Variants in HAT1 observed in about 807,000 individuals in gnomAD.
HAT1 encodes histone acetyltransferase 1.
Under a neutral mutation model 56.6 loss-of-function variants are expected in HAT1, and 20 were observed. That is an observed-to-expected ratio of 0.35 (90% CI 0.25 to 0.51). The LOEUF is 0.51. Among genes scored for constraint, HAT1 ranks in the 20% least tolerant of loss-of-function variants. The pLI is 0.95. For missense variants in HAT1, 408 were observed against 504.3 expected, an observed-to-expected ratio of 0.81 and a Z score of 1.83; for synonymous variants, 146 against 165.5, an observed-to-expected ratio of 0.88 and a Z score of 0.91.
At chr2:171,953,749 C>CT (rs1308556227) in intron 4 of HAT1, among the ~76,000 whole-genome samples, 1 of 150,802 alleles carries the variant, frequency 6.6e-6, no homozygotes, top group African/African-American at 2.4e-5. Flanking sequence ...AATCCCAGCA[C>CT]TTTGGGAGGC....
intron 4 of HAT1, among the ~76,000 whole-genome samples, chr2:171,962,049 TTAAGA>T (rs925999689): frequency 6.6e-5 from 10 of 152,244 alleles, no homozygotes; most frequent in Middle Eastern, 3.4e-3. Flanking sequence ...ATGGTGCTGC[TTAAGA>T]TAAGATGTTA....
intron 3 of HAT1, 92 bp downstream of exon 3, chr2:171,946,875 C>A (rs1365221259): frequency 1.6e-6 from 1 of 645,020 alleles, no homozygotes; most frequent in South Asian, 2.0e-5. Context: ...ATTTTATTTT[C>A]TTCTTATTTT....
intron 2 of HAT1, among the ~76,000 whole-genome samples, chr2:171,932,281 G>A (rs1472339628): frequency 6.6e-6 from 1 of 151,984 alleles, no homozygotes; most frequent in Non-Finnish European, 1.5e-5. Context: ...AAGGTTTCCT[G>A]GCCTCATAAA....
chr2:171,956,893 GA>G (rs1318599429), intron 4 of HAT1, among the ~76,000 whole-genome samples: 2 of 152,176 alleles, frequency 1.3e-5, no homozygotes, highest in Non-Finnish European at 2.9e-5. Context: ...CAGGAAGGTG[GA>G]AAGTGTGTTC....
intron 8 of HAT1, among the ~76,000 whole-genome samples, chr2:171,970,426 C>A (rs900526225): frequency 6.7e-6 from 1 of 148,892 alleles, no homozygotes. Flanking sequence ...GATTCACACA[C>A]ACATACACAC....
rs538465249 is a variant in HAT1, at chr2:171,977,467, A to G, written c.975+1159A>G. Among the ~76,000 whole-genome samples the G allele has an allele frequency of 6.4e-3, 929 of 145,708 alleles. 19 individuals carry two copies. The highest frequency in any genetic ancestry group is 0.021 in the African/African-American group (866 of 40,420). On this transcript the variant is annotated intron_variant, in intron 9 of 10. Transcript: ENST00000264108. ...ACAGAGAGAGACTTCATCTTAAAAA[A>G]AAAAAAAAGAAAAGAAATTTGTTTA...
intron 10 of HAT1, among the ~76,000 whole-genome samples, chr2:171,981,140 A>G (rs1688123336): frequency 6.6e-6 from 1 of 152,016 alleles, no homozygotes; most frequent in Non-Finnish European, 1.5e-5. Flanking sequence ...ATTGTACTCC[A>G]GCCTGGGTGA....
intron 4 of HAT1, chr2:171,965,079 T>C (rs1687652103): frequency 8.1e-6 from 3 of 371,710 alleles, no homozygotes; most frequent in Non-Finnish European, 1.5e-5. Flanking sequence ...GAAATGTCCA[T>C]AGCATTGCCC....
chr2:171,977,298 C>T (rs1687991269), intron 9 of HAT1, among the ~76,000 whole-genome samples: 2 of 150,084 alleles, frequency 1.3e-5, no homozygotes, highest in Non-Finnish European at 3.0e-5. Context: ...CATGTCTCTA[C>T]TACAAATACG....
At chr2:171,970,128 C>G (rs1171377573) in intron 8 of HAT1, among the ~76,000 whole-genome samples, 2 of 152,172 alleles carry the variant, frequency 1.3e-5, no homozygotes, top group Admixed American at 1.3e-4. Flanking sequence ...CTATTGCACT[C>G]CAGCTAGGGG....
intron 10 of HAT1, 25 bp downstream of exon 10, chr2:171,979,388 A>G (rs1165867847): frequency 1.9e-6 from 2 of 1,065,274 alleles, no homozygotes; most frequent in South Asian, 2.5e-5. Flanking sequence ...AATCTTAAAC[A>G]CTGTATTCTT....
intron 4 of HAT1, among the ~76,000 whole-genome samples, chr2:171,954,116 C>T (rs963913437): frequency 6.6e-6 from 1 of 152,330 alleles, no homozygotes; most frequent in African/African-American, 2.4e-5. Context: ...CATGGACCTT[C>T]TTCATAAAAA....
intron 2 of HAT1, among the ~76,000 whole-genome samples, chr2:171,938,593 C>T (rs1458672572): frequency 1.3e-5 from 2 of 152,114 alleles, no homozygotes; most frequent in Non-Finnish European, 1.5e-5. Flanking sequence ...TCTGTAATCT[C>T]GTTTTGGTTG....
At chr2:171,961,903 T>C (rs1687584576) in intron 4 of HAT1, among the ~76,000 whole-genome samples, 2 of 151,654 alleles carry the variant, frequency 1.3e-5, no homozygotes, top group Admixed American at 6.6e-5. Flanking sequence ...TTTTTTTTTT[T>C]TTAGCATATT....
chr2:171,943,911 G>T (rs1687091713), intron 2 of HAT1, among the ~76,000 whole-genome samples: 1 of 151,986 alleles, frequency 6.6e-6, no homozygotes, highest in South Asian at 2.1e-4. Flanking sequence ...CACTTTGGGA[G>T]GCTGAAGTGG....
intron 1 of HAT1, chr2:171,923,249 T>A (rs1347419476): frequency 6.6e-6 from 1 of 152,212 alleles, no homozygotes; most frequent in African/African-American, 2.4e-5. Flanking sequence ...TTTTTTCGAT[T>A]ACTTATCTTT....
At chr2:171,972,176 A>G (rs1451729014) in intron 8 of HAT1, among the ~76,000 whole-genome samples, 4 of 150,212 alleles carry the variant, frequency 2.7e-5, no homozygotes, top group Admixed American at 2.0e-4. Flanking sequence ...ACGGTTACAT[A>G]TGAAATGCTA....
intron 3 of HAT1, among the ~76,000 whole-genome samples, chr2:171,947,564 AT>A (rs1405183706): frequency 6.6e-6 from 1 of 152,156 alleles, no homozygotes; most frequent in East Asian, 1.9e-4. Context: ...CCTGAAGTTT[AT>A]TTTTTAGAAG....
intron 10 of HAT1, chr2:171,979,806 TGAAAA>T (rs200028451): frequency 0.019 from 2,916 of 149,814 alleles, 59 homozygotes; most frequent in Admixed American, 0.068. Flanking sequence ...AAACTCCATC[TGAAAA>T]GAAAAGAAAA....
Sources: gnomAD v4.1 joint callset for allele counts (sites outside exome capture counted in the v4.1 genomes callset) on GRCh38, gnomAD v4.1.1 for gene constraint, MANE v1.5 for transcripts, NCBI Gene and HGNC (gene_info 2026-07-23, HGNC 2026-07-21) for gene names.